The following SCG3 variants were observed in gnomAD, a reference collection of about 807,000 sequenced individuals.
The protein encoded by SCG3 is secretogranin-3.
A neutral mutation model predicts 56.2 loss-of-function variants in SCG3; 38 were observed. The ratio of observed to expected loss-of-function variants is 0.68; its 90% confidence interval spans 0.52 to 0.89. SCG3 has a LOEUF of 0.89. Ranked by LOEUF, SCG3 falls within the 40% of genes least tolerant of loss-of-function variation. The pLI is 0.00. For missense variants in SCG3, 524 were observed against 540.7 expected (o/e 0.97, Z 0.31); for synonymous variants, 176 against 184.2 (o/e 0.96, Z 0.36).
chr15:51,709,642 AG>A (rs1283915828), intron 10 of SCG3, among the ~76,000 whole-genome samples: 2 of 123,474 alleles, frequency 1.6e-5, no homozygotes, highest in African/African-American at 3.2e-5. Flanking sequence ...CTAAAAAAAA[AG>A]GCAGAGATAA....
At position 51,681,692 on chromosome 15, in the gene SCG3, C is replaced by T. The variant is rs901045713; in HGVS notation, c.-64C>T. ...CCTGTTTTTACTCCTCCTTTTCATT[C>T]ATAACAAAAGCTACAGCTCCAGGAG... is the stretch of plus-strand genomic sequence containing the variant. On this transcript the variant is annotated 5_prime_UTR_variant, in exon 1 of 12. Coordinates refer to ENST00000220478, the MANE Select transcript of SCG3 (RefSeq NM_013243.4). 8.0e-6 allele frequency: 7 copies of T among 876,362 alleles called. No individual in the cohort carries two copies. The highest frequency in any genetic ancestry group is 1.7e-5 in the African/African-American group (1 of 57,732). 54.3% of individuals were successfully genotyped at this position (876,362 alleles called of 1,614,324 possible).
At chr15:51,714,707 G>C (rs1215649198) in intron 11 of SCG3, among the ~76,000 whole-genome samples, 1 of 152,210 alleles carries the variant, frequency 6.6e-6, no homozygotes, top group Non-Finnish European at 1.5e-5. Flanking sequence ...GTGCAGCCAA[G>C]TTTGCAAACC....
intron 8 of SCG3, among the ~76,000 whole-genome samples, chr15:51,696,922 C>G (rs1037774412): frequency 6.6e-6 from 1 of 152,146 alleles, no homozygotes; most frequent in African/African-American, 2.4e-5. Flanking sequence ...AATATCAAAA[C>G]TATACCAGAT....
Position 51,704,236 on chromosome 15 carries a change from CATACATACATATATAT to C in SCG3, c.1207+2996_1207+3011del, listed in dbSNP as rs1472091063. Among the ~76,000 whole-genome samples, 401 of 54,310 alleles carry C rather than the reference CATACATACATATATAT, an allele frequency of 7.4e-3. 4 individuals are homozygous for C. The highest frequency in any genetic ancestry group is 0.021 in the African/African-American group (374 of 17,692). 35.6% of individuals were successfully genotyped at this position (54,310 alleles called of 152,430 possible). On this transcript the variant is annotated intron_variant, in intron 10 of 11. Coordinates refer to ENST00000220478, the MANE Select transcript of SCG3 (RefSeq NM_013243.4). ...ATATATATATATGTGTGTATACATA[CATACATACATATATAT>C]ATATATATATATATATATATATATA... is the stretch of plus-strand genomic sequence containing the variant.
chr15:51,690,143 C>T (rs1404985754), intron 6 of SCG3, among the ~76,000 whole-genome samples: 2 of 152,158 alleles, frequency 1.3e-5, no homozygotes, highest in Non-Finnish European at 2.9e-5. Context: ...TTCCCCAGAG[C>T]TAGCTGCCTA....
chr15:51,690,228 C>T (rs2055258012), intron 6 of SCG3, among the ~76,000 whole-genome samples: 1 of 152,182 alleles, frequency 6.6e-6, no homozygotes, highest in Non-Finnish European at 1.5e-5. Flanking sequence ...TGCCTATTTA[C>T]CCAGGCTAAT....
chr15:51,683,007 A>G, intron 2 of SCG3, 72 bp from the exon 3 acceptor site: 2 of 1,199,890 alleles, frequency 1.7e-6, no homozygotes, highest in Non-Finnish European at 2.4e-6. Flanking sequence ...AGATTAAATC[A>G]TTTGGCTCTT....
intron 11 of SCG3, among the ~76,000 whole-genome samples, chr15:51,713,810 A>C (rs1237914055): frequency 1.3e-5 from 2 of 152,182 alleles, no homozygotes; most frequent in African/African-American, 4.8e-5. Context: ...CCCTGCAGTC[A>C]CAAAAGCAGT....
chr15:51,701,909 G>C (rs1436111491), intron 10 of SCG3, among the ~76,000 whole-genome samples: 1 of 152,026 alleles, frequency 6.6e-6, no homozygotes, highest in Non-Finnish European at 1.5e-5. Flanking sequence ...CACAGGAAGG[G>C]GAACATCACA....
rs936838458 is a variant in SCG3 at position 51,702,077 on chromosome 15, G to A, written c.1207+833G>A. Among the ~76,000 whole-genome samples, 8 of 152,102 alleles carry A rather than the reference G, an allele frequency of 5.3e-5. No individual in the cohort carries two copies. In the South Asian group the frequency reaches 1.7e-3, roughly 32 times the overall value. On this transcript the variant is annotated intron_variant, in intron 10 of 11. Transcript: ENST00000220478. ...GTGCACATGTACCCTAGAACTTAAA[G>A]TATAATAAAAAAAATTTGAATTTAA...
chr15:51,703,128 T>C (rs2055349573), intron 10 of SCG3, among the ~76,000 whole-genome samples: 1 of 152,160 alleles, frequency 6.6e-6, no homozygotes, highest in Non-Finnish European at 1.5e-5. Flanking sequence ...AATGAATAGG[T>C]AGACTTTTTC....
chr15:51,684,346 G>A (rs2055214739), intron 4 of SCG3, among the ~76,000 whole-genome samples: 1 of 152,148 alleles, frequency 6.6e-6, no homozygotes, highest in Non-Finnish European at 1.5e-5. Flanking sequence ...AGCCAATGTG[G>A]TAGTTTCCTT....
intron 10 of SCG3, among the ~76,000 whole-genome samples, chr15:51,704,865 T>C (rs1342957974): frequency 1.3e-5 from 2 of 148,386 alleles, no homozygotes; most frequent in Non-Finnish European, 3.0e-5. Flanking sequence ...CTGGATCATA[T>C]GCTAATTCTA....
intron 4 of SCG3, among the ~76,000 whole-genome samples, chr15:51,687,166 T>G (rs1309512760): frequency 2.0e-5 from 3 of 152,226 alleles, no homozygotes; most frequent in Non-Finnish European, 2.9e-5. Flanking sequence ...ATACATTAGC[T>G]TTCATATATT....
At chr15:51,709,258 AG>A (rs1252959465) in intron 10 of SCG3, among the ~76,000 whole-genome samples, 4 of 152,094 alleles carry the variant, frequency 2.6e-5, no homozygotes, top group Admixed American at 6.5e-5. Context: ...CAAGAACAGC[AG>A]CATGGGGGTA....
rs368428663 is a variant in SCG3 at position 51,694,374 on chromosome 15, T to C, written c.869-1501T>C. Among the ~76,000 whole-genome samples the C allele has an allele frequency of 2.3e-4, 35 of 152,342 alleles. No individual in the cohort carries two copies. The East Asian group carries it at 2.7e-3, about 12-fold the overall frequency. ...GCCAGTCTCAGGGATGATTTGGGTC[T>C]GCAGAACAGGCTCGTTTCTCAGGTT... On this transcript the variant is annotated intron_variant, in intron 7 of 11. Transcript: ENST00000220478.
chr15:51,718,180 G>GGAAGGATA (rs1355442697), intron 11 of SCG3, among the ~76,000 whole-genome samples: 262 of 137,318 alleles, frequency 1.9e-3, no homozygotes, highest in African/African-American at 7.1e-3. Context: ...GATGATGGAT[G>GGAAGGATA]GATGGATAGA....
At chr15:51,699,787 C>T (rs1433270993) in intron 9 of SCG3, among the ~76,000 whole-genome samples, 1 of 152,054 alleles carries the variant, frequency 6.6e-6, no homozygotes, top group Non-Finnish European at 1.5e-5. Context: ...TCCCCACTGC[C>T]CGCCTCCCGC....
intron 8 of SCG3, among the ~76,000 whole-genome samples, chr15:51,696,874 A>G (rs777196386): frequency 6.6e-6 from 1 of 152,130 alleles, no homozygotes; most frequent in African/African-American, 2.4e-5. Context: ...CACCTCCAAC[A>G]CTGGGGACTG....
Sources: gnomAD v4.1 joint callset for allele counts (sites outside exome capture counted in the v4.1 genomes callset) on GRCh38, gnomAD v4.1.1 for gene constraint, MANE v1.5 for transcripts, NCBI Gene and HGNC (gene_info 2026-07-23, HGNC 2026-07-21) for gene names.